GLI3: variants seen among roughly 807,000 people sequenced by gnomAD.
GLI3 encodes GLI family zinc finger 3, also known as transcription activator GLI3.
A neutral mutation model predicts 100.8 loss-of-function variants in GLI3; 20 were observed. That is an observed-to-expected ratio of 0.20 (90% confidence interval 0.14 to 0.29). GLI3 has a LOEUF of 0.29. Ranked by LOEUF, GLI3 falls within the 10% of genes least tolerant of loss-of-function variation. The probability of loss-of-function intolerance (pLI) is 1.00; values close to 1 mark genes in which losing one functional copy is unlikely to be tolerated. For synonymous variants in GLI3, 938 were observed against 860.5 expected (o/e 1.09, Z -1.58); for missense variants, 2,040 against 2,128.5 (o/e 0.96, Z 0.82).
chr7:41,964,405 G>A lies in GLI3; in HGVS notation c.4668C>T (p.Asn1556=), dbSNP rs1787099445. Residue 1556 remains asparagine (N), a synonymous_variant, in exon 15 of 15, where the codon AAC becomes AAT. Coordinates refer to ENST00000395925, the MANE Select transcript of GLI3 (RefSeq NM_000168.6). ...AAGAACTCATGTCCCCGATAGCCATGTTGGTGGTGCTCATGGACAGCGCTG... is the reference window on the plus strand; with the variant it reads ...AAGAACTCATGTCCCCGATAGCCATATTGGTGGTGCTCATGGACAGCGCTG... ...PFPALSMSTT[N]MAIGDMSSLL... 1 of 1,614,016 alleles carries A rather than the reference G, an allele frequency of 6.2e-7. No homozygotes were observed. Among genetic ancestry groups the A allele is most frequent in the Non-Finnish European group, 8.5e-7 (1 of 1,179,834 alleles).
intron 2 of GLI3, among the ~76,000 whole-genome samples, chr7:42,161,714 A>G (rs1387529352): frequency 6.6e-6 from 1 of 152,240 alleles, no homozygotes; most frequent in Non-Finnish European, 1.5e-5. Flanking sequence ...GAACCTGACA[A>G]TTATATGACC....
At chr7:42,160,086 G>T (rs1435373857) in intron 2 of GLI3, among the ~76,000 whole-genome samples, 1 of 152,128 alleles carries the variant, frequency 6.6e-6, no homozygotes, top group African/African-American at 2.4e-5. Flanking sequence ...TCTACCAAAG[G>T]CAGATAGTAA....
intron 3 of GLI3, among the ~76,000 whole-genome samples, chr7:42,077,729 T>C (rs760477181): frequency 3.3e-5 from 5 of 151,066 alleles, no homozygotes; most frequent in Non-Finnish European, 5.9e-5. Flanking sequence ...AATAAACCTT[T>C]ATTAAAAAAA....
chr7:42,230,203 T>G (rs1562794636), intron 1 of GLI3, among the ~76,000 whole-genome samples: 2 of 152,284 alleles, frequency 1.3e-5, no homozygotes, highest in Non-Finnish European at 2.9e-5. Flanking sequence ...TATATATGAT[T>G]ATTTTTCCAT....
At chr7:42,063,111 A>C (rs1411432703) in intron 4 of GLI3, among the ~76,000 whole-genome samples, 1 of 152,120 alleles carries the variant, frequency 6.6e-6, no homozygotes, top group East Asian at 1.9e-4. Flanking sequence ...AAGCTGAAGA[A>C]GTGCTCGTTT....
upstream of GLI3, among the ~76,000 whole-genome samples, chr7:42,242,766 C>T (rs73096390): frequency 0.064 from 9,786 of 152,274 alleles, 434 homozygotes; most frequent in Non-Finnish European, 0.096. Context: ...CCCCTAGTCA[C>T]CTTGTCCCCA....
chr7:41,992,535 A>G (rs879808990), intron 10 of GLI3, among the ~76,000 whole-genome samples: 6 of 152,228 alleles, frequency 3.9e-5, no homozygotes, highest in Non-Finnish European at 7.3e-5. Flanking sequence ...TGGTAAACTA[A>G]AAAACACCTA....
chr7:42,204,756 G>A (rs1386027118), intron 2 of GLI3, among the ~76,000 whole-genome samples: 1 of 151,968 alleles, frequency 6.6e-6, no homozygotes, highest in Non-Finnish European at 1.5e-5. Context: ...GTATGCTAAG[G>A]AAAAAAGAAA....
chr7:41,991,222 A>G (rs1432941317), intron 10 of GLI3, among the ~76,000 whole-genome samples: 1 of 152,176 alleles, frequency 6.6e-6, no homozygotes, highest in Non-Finnish European at 1.5e-5. Flanking sequence ...AATTAAAAGT[A>G]AGCTACTCAG....
intron 7 of GLI3, among the ~76,000 whole-genome samples, chr7:42,030,971 G>A (rs570177794): frequency 6.6e-6 from 1 of 151,606 alleles, no homozygotes; most frequent in Non-Finnish European, 1.5e-5. Flanking sequence ...CGGCCGCCTC[G>A]GCCTCCCAAG....
chr7:42,026,450 A>C (rs1048508911), intron 7 of GLI3, 38 bp from the exon 8 acceptor site: 3 of 1,462,810 alleles, frequency 2.1e-6, no homozygotes, highest in Non-Finnish European at 2.9e-6. Flanking sequence ...TCATCACTTA[A>C]ACGCTGAGCT....
intron 1 of GLI3, among the ~76,000 whole-genome samples, chr7:42,235,039 C>T (rs958257187): frequency 6.6e-6 from 1 of 152,088 alleles, no homozygotes; most frequent in South Asian, 2.1e-4. Context: ...AAAACCAGTC[C>T]CGGCAGCTTT....
chr7:42,100,091 T>C (rs1785426417), intron 3 of GLI3, among the ~76,000 whole-genome samples: 3 of 152,234 alleles, frequency 2.0e-5, no homozygotes, highest in Admixed American at 1.3e-4. Flanking sequence ...AAGTGGGTAG[T>C]TAACATGCCA....
intron 2 of GLI3, among the ~76,000 whole-genome samples, chr7:42,196,928 T>C (rs1787938026): frequency 6.6e-6 from 1 of 152,254 alleles, no homozygotes; most frequent in African/African-American, 2.4e-5. Flanking sequence ...AGAAAGGACA[T>C]GGACAGGGAA....
intron 1 of GLI3, among the ~76,000 whole-genome samples, chr7:42,252,289 A>C (rs1789041026): frequency 6.6e-6 from 1 of 152,202 alleles, no homozygotes; most frequent in South Asian, 2.1e-4. Context: ...GGAGCTAAAC[A>C]GTGAGAACCA....
intron 3 of GLI3, among the ~76,000 whole-genome samples, chr7:42,128,027 A>AAAAAG (rs556915636): frequency 1.5e-4 from 22 of 146,964 alleles, no homozygotes; most frequent in Admixed American, 2.1e-4. Context: ...TCAAAAAAAA[A>AAAAAG]AAAAAGAAAA....
chr7:42,107,346 A>G (rs1041422562), intron 3 of GLI3, among the ~76,000 whole-genome samples: 3 of 152,094 alleles, frequency 2.0e-5, no homozygotes, highest in Non-Finnish European at 4.4e-5. Context: ...CAAACAAACA[A>G]ACAAACAAAA....
intron 3 of GLI3, among the ~76,000 whole-genome samples, chr7:42,112,810 A>G (rs901367073): frequency 6.6e-6 from 1 of 152,142 alleles, no homozygotes; most frequent in African/African-American, 2.4e-5. Context: ...GGGCACCAGG[A>G]GACTGTGCCC....
At chr7:42,257,354 CTTTTTTTTTT>C (rs61449410) in intron 1 of GLI3, among the ~76,000 whole-genome samples, 1 of 130,590 alleles carries the variant, frequency 7.7e-6, no homozygotes, top group Admixed American at 7.7e-5. Context: ...ATCATTCAGT[CTTTTTTTTTT>C]TTTTTTTTTG....
Sources: gnomAD v4.1 joint callset for allele counts (sites outside exome capture counted in the v4.1 genomes callset) on GRCh38, gnomAD v4.1.1 for gene constraint, MANE v1.5 for transcripts, NCBI Gene and HGNC (gene_info 2026-07-23, HGNC 2026-07-21) for gene names.